The following UNC5C variants were observed in gnomAD, a reference collection of about 807,000 sequenced individuals.
UNC5C encodes the protein unc-5 netrin receptor C.
UNC5C carries 47 observed loss-of-function variants against 99.8 expected under a neutral mutation model. The observed-to-expected ratio is 0.47, with a 90% CI of 0.37 to 0.60. The LOEUF is 0.60. Among genes scored for constraint, UNC5C ranks in the 20% least tolerant of loss-of-function variants. The probability of loss-of-function intolerance (pLI) is 0.00; values close to 1 mark genes in which losing one functional copy is unlikely to be tolerated. For synonymous variants in UNC5C, 487 were observed against 452.2 expected (o/e 1.08, Z -0.98); for missense variants, 1,062 against 1,165.9 (o/e 0.91, Z 1.30).
intron 1 of UNC5C, among the ~76,000 whole-genome samples, chr4:95,442,009 C>T (rs931789432): frequency 2.6e-5 from 4 of 152,158 alleles, no homozygotes; most frequent in Non-Finnish European, 5.9e-5. Context: ...TTATGACTTC[C>T]ATTCAGGAGC....
chr4:95,442,859 C>T (rs768766494), intron 1 of UNC5C, among the ~76,000 whole-genome samples: 6 of 151,874 alleles, frequency 4.0e-5, no homozygotes, highest in Non-Finnish European at 8.8e-5. Flanking sequence ...CATATTCATG[C>T]AAATATATGC....
At chr4:95,172,712 T>A (rs1304326815) in intron 14 of UNC5C, among the ~76,000 whole-genome samples, 2 of 151,852 alleles carry the variant, frequency 1.3e-5, no homozygotes, top group East Asian at 3.9e-4. Flanking sequence ...AGGATTGACT[T>A]GGCAATGCGG....
intron 14 of UNC5C, among the ~76,000 whole-genome samples, chr4:95,175,002 CTTCT>C (rs1736277199): frequency 6.6e-6 from 1 of 151,556 alleles, no homozygotes; most frequent in Non-Finnish European, 1.5e-5. Context: ...ATGTAATGGC[CTTCT>C]TTGTCTTTTT....
At chr4:95,212,417 C>G (rs957627968) in intron 10 of UNC5C, among the ~76,000 whole-genome samples, 11 of 152,132 alleles carry the variant, frequency 7.2e-5, no homozygotes, top group African/African-American at 2.4e-4. Flanking sequence ...TCTACCCTTA[C>G]AAACCTTCGT....
intron 1 of UNC5C, among the ~76,000 whole-genome samples, chr4:95,408,030 T>G (rs1745876714): frequency 6.6e-6 from 1 of 152,228 alleles, no homozygotes; most frequent in African/African-American, 2.4e-5. Context: ...TAAAATGTCA[T>G]GTTTTACTAT....
At chr4:95,490,178 C>T (rs1364081407) in intron 1 of UNC5C, among the ~76,000 whole-genome samples, 3 of 151,428 alleles carry the variant, frequency 2.0e-5, no homozygotes, top group African/African-American at 7.3e-5. Flanking sequence ...TCATGGCAAT[C>T]AAGAGATGCA....
At chr4:95,260,289 G>A (rs539692939) in intron 4 of UNC5C, among the ~76,000 whole-genome samples, 3 of 152,140 alleles carry the variant, frequency 2.0e-5, no homozygotes, top group African/African-American at 7.2e-5. Context: ...CCTTCTGAAG[G>A]TTTTACGATG....
At chr4:95,496,188 A>G (rs1182259527) in intron 1 of UNC5C, among the ~76,000 whole-genome samples, 1 of 151,858 alleles carries the variant, frequency 6.6e-6, no homozygotes. Context: ...CTGACAGTGT[A>G]TATAGTATTT....
chr4:95,452,699 G>A (rs265046), intron 1 of UNC5C, among the ~76,000 whole-genome samples: 69,098 of 152,002 alleles, frequency 0.45, 16,164 homozygotes, highest in African/African-American at 0.51. Context: ...CTAATGCCTC[G>A]TCTATGAAGG....
intron 1 of UNC5C, among the ~76,000 whole-genome samples, chr4:95,521,148 T>C (rs1722344421): frequency 6.6e-6 from 1 of 151,998 alleles, no homozygotes; most frequent in Non-Finnish European, 1.5e-5. Context: ...TATCCTCACA[T>C]TGCTTTTCCT....
chr4:95,296,848 C>G (rs1013449729), intron 3 of UNC5C, among the ~76,000 whole-genome samples: 16 of 152,070 alleles, frequency 1.1e-4, no homozygotes, highest in Non-Finnish European at 1.9e-4. Context: ...AAGTATTTTT[C>G]TTTATAATTA....
At chr4:95,357,418 G>A (rs1744246442) in intron 1 of UNC5C, among the ~76,000 whole-genome samples, 1 of 151,994 alleles carries the variant, frequency 6.6e-6, no homozygotes, top group African/African-American at 2.4e-5. Flanking sequence ...TTACAGGCGT[G>A]CACCATTGCA....
intron 1 of UNC5C, among the ~76,000 whole-genome samples, chr4:95,360,922 T>C (rs1275154486): frequency 6.6e-6 from 1 of 152,334 alleles, no homozygotes; most frequent in East Asian, 1.9e-4. Flanking sequence ...AACGTACTCA[T>C]GTCTAGAAAA....
chr4:95,349,159 C>T (rs1418790589), intron 1 of UNC5C, among the ~76,000 whole-genome samples: 2 of 150,980 alleles, frequency 1.3e-5, no homozygotes, highest in Non-Finnish European at 3.0e-5. Context: ...AGGATGAATG[C>T]TCGAGGTAAG....
intron 11 of UNC5C, among the ~76,000 whole-genome samples, chr4:95,205,277 T>G (rs1360981314): frequency 6.6e-6 from 1 of 152,200 alleles, no homozygotes; most frequent in African/African-American, 2.4e-5. Flanking sequence ...ATGCGAATAA[T>G]TTAGGATCAC....
intron 6 of UNC5C, among the ~76,000 whole-genome samples, chr4:95,244,502 A>C (rs1480330857): frequency 1.3e-5 from 2 of 152,222 alleles, no homozygotes; most frequent in Non-Finnish European, 2.9e-5. Flanking sequence ...AAAACTTTGC[A>C]TTCCTTATAA....
intron 14 of UNC5C, among the ~76,000 whole-genome samples, chr4:95,178,934 T>C (rs1008649929): frequency 6.6e-6 from 1 of 152,238 alleles, no homozygotes; most frequent in African/African-American, 2.4e-5. Flanking sequence ...GCCTTGAAAG[T>C]TAAAGTAAAA....
chr4:95,188,699 C>A (rs1579212131), intron 12 of UNC5C, among the ~76,000 whole-genome samples: 1 of 152,286 alleles, frequency 6.6e-6, no homozygotes, highest in East Asian at 1.9e-4. Context: ...AGAAAAATAA[C>A]AAATATACAA....
At chr4:95,420,241 G>A (rs1746278141) in intron 1 of UNC5C, among the ~76,000 whole-genome samples, 1 of 152,128 alleles carries the variant, frequency 6.6e-6, no homozygotes. Flanking sequence ...TACCAAGACA[G>A]TAACTTTAGG....
Sources: gnomAD v4.1 joint callset for allele counts (sites outside exome capture counted in the v4.1 genomes callset) on GRCh38, gnomAD v4.1.1 for gene constraint, MANE v1.5 for transcripts, NCBI Gene and HGNC (gene_info 2026-07-23, HGNC 2026-07-21) for gene names.